NLGN1: variants seen among roughly 807,000 people sequenced by gnomAD.
The protein encoded by NLGN1 is neuroligin 1, also known as neuroligin-1.
Under a neutral mutation model 65.5 loss-of-function variants are expected in NLGN1, and 12 were observed. The observed-to-expected ratio is 0.18, with a 90% CI of 0.12 to 0.30. The LOEUF is 0.30. NLGN1 is among the 10% of genes least tolerant of loss of function. NLGN1 has a pLI of 1.00. For synonymous variants in NLGN1, 350 were observed against 359.5 expected, an observed-to-expected ratio of 0.97 and a Z score of 0.30; for missense variants, 750 against 1,007.1, an observed-to-expected ratio of 0.74 and a Z score of 3.46.
intron 4 of NLGN1, among the ~76,000 whole-genome samples, chr3:173,841,131 G>T (rs749454838): frequency 8.5e-6 from 1 of 117,090 alleles, no homozygotes; most frequent in Non-Finnish European, 1.8e-5. Context: ...AATTATCATT[G>T]TATCTATATC....
intron 2 of NLGN1, among the ~76,000 whole-genome samples, chr3:173,516,044 A>G (rs889296252): frequency 8.3e-4 from 126 of 152,132 alleles, no homozygotes; most frequent in Middle Eastern, 3.4e-3. Flanking sequence ...TCCATTTTAC[A>G]AATTTATTTT....
chr3:173,692,675 A>G (rs1162170908), intron 3 of NLGN1, among the ~76,000 whole-genome samples: 1 of 152,116 alleles, frequency 6.6e-6, no homozygotes, highest in Non-Finnish European at 1.5e-5. Context: ...AGAAGGCTAC[A>G]GAACCCTGAA....
intron 4 of NLGN1, among the ~76,000 whole-genome samples, chr3:174,044,790 C>A (rs922832147): frequency 6.6e-6 from 1 of 152,044 alleles, no homozygotes; most frequent in African/African-American, 2.4e-5. Context: ...ATGGGAGGGA[C>A]CTGGTGGGAG....
intron 4 of NLGN1, among the ~76,000 whole-genome samples, chr3:173,894,803 A>G (rs1440869187): frequency 6.6e-6 from 1 of 151,812 alleles, no homozygotes; most frequent in African/African-American, 2.4e-5. Context: ...ACGCCTGGCT[A>G]ATTTTGTAAT....
At chr3:174,035,285 G>T (rs1291003550) in intron 4 of NLGN1, among the ~76,000 whole-genome samples, 1 of 152,082 alleles carries the variant, frequency 6.6e-6, no homozygotes, top group Admixed American at 6.6e-5. Flanking sequence ...GCATTTGAAA[G>T]GTGCAAACAG....
In NLGN1 at chr3:173,616,081, A is replaced by C. The variant is rs147042595; in HGVS notation, c.493+10990A>C. 2.3e-3 allele frequency among the ~76,000 whole-genome samples: 343 copies of C among 148,304 alleles called. 1 individual carries two copies. Among genetic ancestry groups the C allele is most frequent in the African/African-American group, 8.3e-3 (331 of 40,000 alleles). On this transcript the variant is annotated intron_variant, in intron 3 of 6. Transcript: ENST00000457714. ...AGGAGGCAAGGGGCATTGAGGGAAC[A>C]CACAGGAGAGGTATCTGTGGTTTGA...
intron 3 of NLGN1, among the ~76,000 whole-genome samples, chr3:173,740,328 A>AAATTATG (rs982528842): frequency 2.0e-5 from 3 of 152,114 alleles, no homozygotes; most frequent in Admixed American, 2.0e-4. Flanking sequence ...GATAATAGAA[A>AAATTATG]AATTATGAAT....
At chr3:173,694,066 T>C (rs1343826546) in intron 3 of NLGN1, among the ~76,000 whole-genome samples, 1 of 151,964 alleles carries the variant, frequency 6.6e-6, no homozygotes, top group Admixed American at 6.6e-5. Context: ...CAGAGGAAAC[T>C]GAATCCCAAA....
At chr3:174,005,830 G>A (rs774495873) in intron 4 of NLGN1, among the ~76,000 whole-genome samples, 35 of 151,802 alleles carry the variant, frequency 2.3e-4, no homozygotes, top group Admixed American at 3.3e-4. Context: ...AAAATATGTC[G>A]TCTATCTGTG....
downstream of NLGN1, among the ~76,000 whole-genome samples, chr3:174,288,333 T>C (rs1190084704): frequency 3.3e-5 from 5 of 151,486 alleles, no homozygotes; most frequent in Admixed American, 6.6e-5. Context: ...CCAGCATAAA[T>C]CTCATCTGAT....
intron 3 of NLGN1, among the ~76,000 whole-genome samples, chr3:173,750,430 G>A (rs2150152736): frequency 6.6e-6 from 1 of 152,162 alleles, no homozygotes; most frequent in Admixed American, 6.6e-5. Context: ...TTGCAAATTG[G>A]AGGTTACTGA....
chr3:173,413,761 C>A (rs1017628846), intron 1 of NLGN1, among the ~76,000 whole-genome samples: 1 of 152,130 alleles, frequency 6.6e-6, no homozygotes, highest in African/African-American at 2.4e-5. Context: ...TAGAGAAGTT[C>A]AGGGCCAGAG....
At chr3:173,514,813 C>T (rs1733559699) in intron 2 of NLGN1, among the ~76,000 whole-genome samples, 1 of 152,112 alleles carries the variant, frequency 6.6e-6, no homozygotes, top group Non-Finnish European at 1.5e-5. Context: ...TACTTTAATC[C>T]ATGTTGTCAC....
At chr3:173,446,019 C>T (rs1409940674) in intron 2 of NLGN1, among the ~76,000 whole-genome samples, 1 of 152,014 alleles carries the variant, frequency 6.6e-6, no homozygotes, top group Non-Finnish European at 1.5e-5. Context: ...CTATCAGATG[C>T]AAATTCCATT....
At chr3:173,714,964 T>C (rs1412450755) in intron 3 of NLGN1, among the ~76,000 whole-genome samples, 1 of 152,136 alleles carries the variant, frequency 6.6e-6, no homozygotes, top group African/African-American at 2.4e-5. Context: ...AGTTCTCTTC[T>C]CTGCCTTTTG....
At chr3:173,497,181 C>T (rs973605917) in intron 2 of NLGN1, among the ~76,000 whole-genome samples, 1 of 151,704 alleles carries the variant, frequency 6.6e-6, no homozygotes, top group Non-Finnish European at 1.5e-5. Flanking sequence ...GTCAGGAGTT[C>T]GAGACCAGCC....
intron 3 of NLGN1, among the ~76,000 whole-genome samples, chr3:173,793,392 AG>A (rs1713241999): frequency 6.6e-6 from 1 of 152,080 alleles, no homozygotes; most frequent in African/African-American, 2.4e-5. Context: ...TTAGAGACAG[AG>A]GGGGTTATAC....
At chr3:173,646,688 AAG>A (rs1758327501) in intron 3 of NLGN1, among the ~76,000 whole-genome samples, 1 of 152,158 alleles carries the variant, frequency 6.6e-6, no homozygotes, top group Non-Finnish European at 1.5e-5. Flanking sequence ...TATCAAAACA[AAG>A]AGTTACACCT....
chr3:173,530,979 A>G (rs1338844992), intron 2 of NLGN1, among the ~76,000 whole-genome samples: 1 of 152,172 alleles, frequency 6.6e-6, no homozygotes, highest in Non-Finnish European at 1.5e-5. Flanking sequence ...CATTTTCTGA[A>G]GCTTTTAAAA....
Sources: allele counts gnomAD v4.1 joint callset (sites outside exome capture counted in the v4.1 genomes callset), GRCh38; gene constraint gnomAD v4.1.1; transcripts MANE v1.5; gene names NCBI Gene and HGNC (gene_info 2026-07-23, HGNC 2026-07-21).